The following MAST4 variants were observed in gnomAD, a reference collection of about 807,000 sequenced individuals.
MAST4 encodes the protein microtubule-associated serine/threonine-protein kinase 4.
In MAST4, 89 loss-of-function variants were observed where a neutral mutation model predicts 162.7. The observed-to-expected ratio is 0.55, with a 90% CI of 0.46 to 0.65. The LOEUF (loss-of-function observed/expected upper bound fraction) is 0.65, where lower values mean the gene tolerates loss of function less well. Ranked by LOEUF, MAST4 falls within the 30% of genes least tolerant of loss-of-function variation. The pLI is 0.00. For missense variants in MAST4, 3,153 were observed against 3,374.0 expected (o/e 0.93, Z 1.62); for synonymous variants, 1,479 against 1,361.1 (o/e 1.09, Z -1.91).
rs1280545561 is a variant in MAST4, at chr5:67,165,938, C to T, written c.6759C>T (p.Thr2253=). 4 of 1,613,372 alleles carry T rather than the reference C, an allele frequency of 2.5e-6. No individual in the cohort carries two copies. Among genetic ancestry groups the T allele is most frequent in the Non-Finnish European group, 1.7e-6 (2 of 1,179,840 alleles). ...GTGGGCCGGATGTGTTTCCTGCTAC[C>T]CCAGGCTCCCAGAACAAAGCCAGCG... ...SKSGPDVFPA[T]PGSQNKASDG... is the part of the protein sequence containing the mutation. Residue 2253 remains threonine (T), a synonymous_variant, in exon 29 of 29, where the codon ACC becomes ACT. Coordinates refer to ENST00000403625, the MANE Select transcript of MAST4 (RefSeq NM_001164664.2).
intron 3 of MAST4, among the ~76,000 whole-genome samples, chr5:66,837,023 C>CGT (rs544483226): frequency 0.051 from 7,346 of 144,718 alleles, 229 homozygotes; most frequent in South Asian, 0.063. Context: ...CATGCAGGAT[C>CGT]ATGTGTGTGT....
chr5:66,910,025 T>C (rs542762169), intron 4 of MAST4, among the ~76,000 whole-genome samples: 2 of 152,306 alleles, frequency 1.3e-5, no homozygotes, highest in Non-Finnish European at 2.9e-5. Flanking sequence ...TACCCAGTCT[T>C]GGGTATGTCT....
intron 1 of MAST4, chr5:66,623,212 A>G (rs919789783): frequency 1.4e-4 from 22 of 152,350 alleles, no homozygotes; most frequent in African/African-American, 4.8e-4. Flanking sequence ...TATAAGAACC[A>G]TGGTTCAAAA....
intron 6 of MAST4, chr5:67,094,227 C>T (rs754154335): frequency 1.1e-5 from 13 of 1,212,148 alleles, no homozygotes; most frequent in South Asian, 3.5e-5. Flanking sequence ...TGAATTTTTC[C>T]GTCTTGTCTT....
chr5:66,736,336 T>C lies in MAST4; in HGVS notation c.364-23373T>C, dbSNP rs570255870. On this transcript the variant is annotated intron_variant, in intron 1 of 28. Coordinates refer to ENST00000403625, the MANE Select transcript of MAST4 (RefSeq NM_001164664.2). ...GGGAATTTTTTTTTTTTTTTTTTGG[T>C]CCTTGTATGTGTGTGCCTTGCCTTA... Among the ~76,000 whole-genome samples the C allele has an allele frequency of 2.4e-4, 35 of 143,186 alleles. No individual in the cohort carries two copies. In the South Asian group the frequency reaches 7.6e-3, roughly 31 times the overall value. The allele number at this position is 143,186 out of a possible 152,430, so 93.9% of individuals were successfully genotyped here.
At chr5:66,944,506 A>C (rs759389553) in intron 4 of MAST4, among the ~76,000 whole-genome samples, 2 of 152,134 alleles carry the variant, frequency 1.3e-5, no homozygotes, top group Non-Finnish European at 2.9e-5. Flanking sequence ...AAGAGACAAC[A>C]TTTATAAAGC....
intron 1 of MAST4, among the ~76,000 whole-genome samples, chr5:66,744,551 A>G (rs1408984800): frequency 2.0e-5 from 3 of 152,258 alleles, no homozygotes; most frequent in Non-Finnish European, 2.9e-5. Flanking sequence ...CAGGCTGTAC[A>G]GGAAACATGG....
chr5:66,648,069 TGTGTGTGTGTGTGTGAGA>T (rs1204319179), intron 1 of MAST4, among the ~76,000 whole-genome samples: 36 of 90,654 alleles, frequency 4.0e-4, no homozygotes, highest in Non-Finnish European at 4.9e-4. Context: ...TGTGTGTGTG[TGTGTGTGTGTGTGTGAGA>T]GAGAGAGAGA....
At chr5:66,979,738 G>C (rs1044204150) in intron 4 of MAST4, among the ~76,000 whole-genome samples, 16 of 152,180 alleles carry the variant, frequency 1.1e-4, no homozygotes, top group South Asian at 6.2e-4. Context: ...GCAATAATTT[G>C]TCCACCTTGC....
intron 3 of MAST4, among the ~76,000 whole-genome samples, chr5:66,827,288 C>T (rs990776252): frequency 3.5e-4 from 54 of 152,242 alleles, no homozygotes; most frequent in African/African-American, 1.3e-3. Flanking sequence ...CACATATAAG[C>T]GAGAGCTAAA....
At chr5:66,819,568 A>G (rs538404388) in intron 3 of MAST4, among the ~76,000 whole-genome samples, 1 of 152,336 alleles carries the variant, frequency 6.6e-6, no homozygotes, top group African/African-American at 2.4e-5. Flanking sequence ...ATTAATTCAC[A>G]TGAGGGATTC....
At chr5:66,786,837 A>G (rs919915361) in intron 2 of MAST4, among the ~76,000 whole-genome samples, 2 of 152,248 alleles carry the variant, frequency 1.3e-5, no homozygotes. Flanking sequence ...GTTCACTGTC[A>G]TTGAATTTTC....
At chr5:67,049,445 G>A (rs909289803) in intron 4 of MAST4, among the ~76,000 whole-genome samples, 1 of 152,030 alleles carries the variant, frequency 6.6e-6, no homozygotes, top group Non-Finnish European at 1.5e-5. Context: ...CTGCCTCCTG[G>A]TCATGCCCTA....
chr5:66,958,121 T>TTG (rs144078491), intron 4 of MAST4, among the ~76,000 whole-genome samples: 8,376 of 151,728 alleles, frequency 0.055, 332 homozygotes, highest in Middle Eastern at 0.11. Context: ...CTCTCTCTCT[T>TTG]TGTGTGTGTG....
At chr5:66,627,248 T>G (rs1363969984) in intron 1 of MAST4, among the ~76,000 whole-genome samples, 2 of 152,152 alleles carry the variant, frequency 1.3e-5, no homozygotes, top group Non-Finnish European at 2.9e-5. Context: ...GAGAACTCAC[T>G]CACTATCACG....
At chr5:66,740,354 C>T (rs1561297508) in intron 1 of MAST4, among the ~76,000 whole-genome samples, 1 of 152,144 alleles carries the variant, frequency 6.6e-6, no homozygotes, top group East Asian at 1.9e-4. Flanking sequence ...CGTGCTGTCT[C>T]TTAAATTTAA....
intron 1 of MAST4, among the ~76,000 whole-genome samples, chr5:66,609,691 GTTT>G: frequency 8.5e-6 from 1 of 117,506 alleles, no homozygotes; most frequent in African/African-American, 3.9e-5. Flanking sequence ...CCAGCCTGGT[GTTT>G]TTTTTTTTTT....
chr5:66,959,824 A>G (rs777877578), intron 4 of MAST4, among the ~76,000 whole-genome samples: 1 of 151,740 alleles, frequency 6.6e-6, no homozygotes, highest in South Asian at 2.1e-4. Context: ...ACTGCATGCA[A>G]TGTGTTTACC....
rs1363683429 is a variant in MAST4, at chr5:67,165,405, A to C, written c.6226A>C (p.Arg2076=). The part of the protein sequence containing the change: ...IPCEKELGKV[R]RGVEPKPEAL... Reference sequence around the variant, plus strand: ...CTGTGAGAAGGAGCTGGGCAAGGTGAGGCGTGGCGTGGAACCCAAGCCCGA... The same window carrying C: ...CTGTGAGAAGGAGCTGGGCAAGGTGCGGCGTGGCGTGGAACCCAAGCCCGA... The change falls in exon 29 of 29, where the codon AGG becomes CGG. Residue 2076 remains arginine, a synonymous_variant. Coordinates refer to ENST00000403625, the MANE Select transcript of MAST4 (RefSeq NM_001164664.2). 6.2e-7 allele frequency: 1 copy of C among 1,613,814 alleles called. No homozygotes were observed. The highest frequency in any genetic ancestry group is 2.2e-5 in the East Asian group (1 of 44,874).
Sources: allele counts gnomAD v4.1 joint callset (sites outside exome capture counted in the v4.1 genomes callset), GRCh38; gene constraint gnomAD v4.1.1; transcripts MANE v1.5; gene names NCBI Gene and HGNC (gene_info 2026-07-23, HGNC 2026-07-21).